RNF20: variants seen among roughly 807,000 people sequenced by gnomAD.
RNF20 encodes E3 ubiquitin-protein ligase BRE1A.
Under a neutral mutation model 126.2 loss-of-function variants are expected in RNF20, and 84 were observed. That is an observed-to-expected ratio of 0.67 (90% CI 0.56 to 0.80). The LOEUF is 0.80. Among genes scored for constraint, RNF20 ranks in the 30% least tolerant of loss-of-function variants. RNF20 has a pLI of 0.00. For synonymous variants in RNF20, 400 were observed against 414.3 expected, an observed-to-expected ratio of 0.97 and a Z score of 0.42; for missense variants, 869 against 1,188.2, an observed-to-expected ratio of 0.73 and a Z score of 3.95.
chr9:101,553,413 A>G (rs80141287), intron 13 of RNF20, among the ~76,000 whole-genome samples: 1,744 of 151,670 alleles, frequency 0.011, 15 homozygotes, highest in Non-Finnish European at 0.019. Flanking sequence ...AAATGCTTGA[A>G]CTCTTTTGGT....
chr9:101,551,853 T>C, intron 11 of RNF20, 34 bp downstream of exon 11: 1 of 1,570,586 alleles, frequency 6.4e-7, no homozygotes, highest in South Asian at 1.2e-5. Flanking sequence ...TGTAGTTTGC[T>C]CTTAATACCT....
At chr9:101,555,968 A>C (rs936839930) in intron 15 of RNF20, among the ~76,000 whole-genome samples, 3 of 151,920 alleles carry the variant, frequency 2.0e-5, no homozygotes, top group Non-Finnish European at 4.4e-5. Context: ...CAAAAAAAAA[A>C]AAAGTGTAAT....
intron 3 of RNF20, 23 bp downstream of exon 3, chr9:101,540,393 C>G (rs1328859930): frequency 6.2e-7 from 1 of 1,613,478 alleles, no homozygotes; most frequent in South Asian, 1.1e-5. Context: ...TTTATTTGTT[C>G]AGATTTTTAT....
At chr9:101,551,931 C>A in intron 11 of RNF20, 112 bp downstream of exon 11, 1 of 1,320,710 alleles carries the variant, frequency 7.6e-7, no homozygotes, top group Non-Finnish European at 1.0e-6. Context: ...GTCATAAGTA[C>A]CTTAAATCCT....
intron 2 of RNF20, among the ~76,000 whole-genome samples, chr9:101,539,257 T>A (rs1427424978): frequency 6.6e-6 from 1 of 152,204 alleles, no homozygotes; most frequent in Non-Finnish European, 1.5e-5. Context: ...GGCTAAGAAT[T>A]CATTTTGTAA....
At chr9:101,550,582 G>T in intron 9 of RNF20, 24 bp from the exon 10 acceptor site, 1 of 1,602,724 alleles carries the variant, frequency 6.2e-7, no homozygotes, top group South Asian at 1.1e-5. Flanking sequence ...TTCTGCTTCT[G>T]ACTTTGCTTT....
chr9:101,549,695 C>T (rs555075912), intron 9 of RNF20, among the ~76,000 whole-genome samples: 22 of 152,162 alleles, frequency 1.4e-4, no homozygotes, highest in Non-Finnish European at 2.8e-4. Context: ...CTGGCATTAC[C>T]GCTAGACCAA....
rs746174646 is a variant in RNF20 at position 101,557,589 on chromosome 9, A to T, written c.2375A>T (p.Lys792Met). 1.2e-6 allele frequency: 2 copies of T among 1,611,728 alleles called. No homozygotes were observed. Among genetic ancestry groups the T allele is most frequent in the South Asian group, 2.2e-5 (2 of 90,992 alleles). The change falls in exon 16 of 20, where the codon AAG (lysine) becomes ATG (methionine). Residue 792 changes from lysine (K) to methionine (M), a missense_variant. This residue lies in a region of RNF20 where 150 missense variants were observed against 173.7 expected (regional missense o/e 0.86). Transcript: ENST00000389120. ...EELADQVLTL[K>M]TQVDAQLQVV... The stretch of plus-strand genomic sequence containing the variant: ...CTGGCAGACCAGGTGTTGACTCTGA[A>T]GACTCAGGTAATTAGGATGAGTAGA...
In RNF20 at chr9:101,550,643, A is replaced by G. The variant is rs1827427599; in HGVS notation, c.1130A>G (p.Glu377Gly). The G allele has an allele frequency of 1.9e-6, 3 of 1,614,152 alleles. No homozygotes were observed. In the East Asian group the frequency reaches 6.7e-5, roughly 36 times the overall value. The change falls in exon 10 of 20, where the codon GAA (glutamate) becomes GGA (glycine). Residue 377 changes from glutamate (E) to glycine (G), a missense_variant. Glu to Gly is a moderately conservative substitution (Grantham distance 98). Around this residue, in one of 8 missense-constraint regions of RNF20, gnomAD observed 153 missense variants for 226.4 expected, o/e 0.68. Coordinates refer to ENST00000389120, the MANE Select transcript of RNF20 (RefSeq NM_019592.7). ...AGTGCAGTGGAGCAAGTCGTTAAGGAAACTCCAGAATATCGCTGCATGCAG... is the reference window on the plus strand; with the variant it reads ...AGTGCAGTGGAGCAAGTCGTTAAGGGAACTCCAGAATATCGCTGCATGCAG... ...LRSAVEQVVKETPEYRCMQSQ... is the reference protein window; with the variant it reads ...LRSAVEQVVKGTPEYRCMQSQ...
In RNF20 at chr9:101,533,857, T is replaced by G. The variant is rs1827141733; in HGVS notation, c.-84T>G. 1 of 152,704 alleles carries G rather than the reference T, an allele frequency of 6.5e-6. No homozygotes were observed. Among genetic ancestry groups the G allele is most frequent in the African/African-American group, 2.4e-5 (1 of 41,462 alleles). 9.5% of individuals were successfully genotyped at this position (152,704 alleles called of 1,614,324 possible). ...CTCCGTGGCCCCGCCTCCCGGAAGTTCTGCCTTGTCTCCGCCGCGGGTCAG... is the reference window on the plus strand; with the variant it reads ...CTCCGTGGCCCCGCCTCCCGGAAGTGCTGCCTTGTCTCCGCCGCGGGTCAG... On this transcript the variant is annotated 5_prime_UTR_variant, in exon 1 of 20. Coordinates refer to ENST00000389120, the MANE Select transcript of RNF20 (RefSeq NM_019592.7).
At chr9:101,546,707 T>G in intron 6 of RNF20, 113 bp from the exon 7 acceptor site, 1 of 1,009,162 alleles carries the variant, frequency 9.9e-7, no homozygotes, top group Non-Finnish European at 1.5e-6. Flanking sequence ...GGGAAGAGGG[T>G]GAAGCATCTT....
At chr9:101,547,090 T>A (rs748563859) in intron 7 of RNF20, 47 bp from the exon 8 acceptor site, 1 of 1,607,424 alleles carries the variant, frequency 6.2e-7, no homozygotes, top group African/African-American at 1.3e-5. Flanking sequence ...GGTTATAGAC[T>A]GAAATCTTAA....
Position 101,548,738 on chromosome 9 carries a change from GAT to G in RNF20, c.1092+1223_1092+1224del, listed in dbSNP as rs1053457073. 6.9e-4 allele frequency among the ~76,000 whole-genome samples: 105 copies of G among 152,300 alleles called. 1 individual carries two copies. Among genetic ancestry groups the G allele is most frequent in the African/African-American group, 2.4e-3 (98 of 41,562 alleles). On this transcript the variant is annotated intron_variant, in intron 9 of 19. Coordinates refer to ENST00000389120, the MANE Select transcript of RNF20 (RefSeq NM_019592.7). ...AAAAGGATTTAAAGCAACATACAAA[GAT>G]ATGTAGACTAAATCAAGGTGCTGTA...
intron 9 of RNF20, among the ~76,000 whole-genome samples, chr9:101,548,732 T>C (rs1215473653): frequency 2.6e-5 from 4 of 152,206 alleles, no homozygotes; most frequent in Non-Finnish European, 4.4e-5. Flanking sequence ...TAAAGCAACA[T>C]ACAAAGATAT....
intron 2 of RNF20, among the ~76,000 whole-genome samples, chr9:101,537,860 G>A (rs142459718): frequency 3.9e-5 from 6 of 152,318 alleles, no homozygotes; most frequent in African/African-American, 1.4e-4. Flanking sequence ...AAACACCTTT[G>A]TTGGTGAAAT....
intron 9 of RNF20, 83 bp from the exon 10 acceptor site, chr9:101,550,523 A>T: frequency 9.0e-7 from 1 of 1,105,168 alleles, no homozygotes; most frequent in Non-Finnish European, 1.3e-6. Flanking sequence ...GTAGGACATC[A>T]GTGAGTTCAA....
At chr9:101,550,883 C>A in intron 10 of RNF20, 98 bp downstream of exon 10, 2 of 1,112,430 alleles carry the variant, frequency 1.8e-6, no homozygotes, top group Non-Finnish European at 2.8e-6. Context: ...ATTCATTCAG[C>A]TGTCATTCAT....
chr9:101,538,664 A>G (rs1011757683), intron 2 of RNF20, among the ~76,000 whole-genome samples: 34 of 152,222 alleles, frequency 2.2e-4, no homozygotes, highest in African/African-American at 8.0e-4. Context: ...GTTTGAGGAT[A>G]TAGTTTATTA....
At chr9:101,545,223 A>G (rs1827329045) in intron 6 of RNF20, among the ~76,000 whole-genome samples, 1 of 152,200 alleles carries the variant, frequency 6.6e-6, no homozygotes, top group Non-Finnish European at 1.5e-5. Flanking sequence ...CAAGATTTGG[A>G]CATTTATTTA....
Sources: allele counts gnomAD v4.1 joint callset (sites outside exome capture counted in the v4.1 genomes callset), GRCh38; gene constraint gnomAD v4.1.1; regional missense constraint gnomAD v4.1.1; transcripts MANE v1.5; gene names NCBI Gene and HGNC (gene_info 2026-07-23, HGNC 2026-07-21).